Variants in FSD2 observed in about 807,000 individuals in gnomAD.
FSD2 encodes fibronectin type III and SPRY domain-containing protein 2.
Under a neutral mutation model 80.4 loss-of-function variants are expected in FSD2, and 71 were observed. The ratio of observed to expected loss-of-function variants is 0.88; its 90% CI spans 0.73 to 1.08. FSD2 has a LOEUF of 1.08. FSD2 is among the 50% of genes least tolerant of loss of function. FSD2 has a pLI of 0.00. For missense variants in FSD2, 923 were observed against 913.8 expected (o/e 1.01, Z -0.13); for synonymous variants, 361 against 329.5 (o/e 1.10, Z -1.03).
At chr15:82,785,241 T>A (rs1347549381) in intron 3 of FSD2, among the ~76,000 whole-genome samples, 1 of 152,200 alleles carries the variant, frequency 6.6e-6, no homozygotes, top group Non-Finnish European at 1.5e-5. Flanking sequence ...CCTAGAATTC[T>A]AAGCTTTTAC....
At chr15:82,785,300 A>G (rs1217215394) in intron 3 of FSD2, among the ~76,000 whole-genome samples, 1 of 146,924 alleles carries the variant, frequency 6.8e-6, no homozygotes, top group African/African-American at 2.5e-5. Context: ...AAGGCAATAC[A>G]TTATTTATTT....
At chr15:82,760,734 T>TGCAA in intron 12 of FSD2, among the ~76,000 whole-genome samples, 1 of 69,806 alleles carries the variant, frequency 1.4e-5, no homozygotes, top group Non-Finnish European at 2.8e-5. Context: ...CGTGTGTGCG[T>TGCAA]GCACGCACAC....
At position 82,765,033 on chromosome 15, in the gene FSD2, T is replaced by C. The variant is rs888491498; in HGVS notation, c.1820+133A>G. 10 of 1,126,222 alleles carry C rather than the reference T, an allele frequency of 8.9e-6. No homozygotes were observed. In the African/African-American group the frequency reaches 1.3e-4, roughly 14 times the overall value. The allele number at this position is 1,126,222 out of a possible 1,614,324, so 69.8% of individuals were successfully genotyped here. ...CCTCTGGGTCCCCTCCCCATTAGGC[T>C]CCTCCCTCCTCACTCATTTGTAGGA... On this transcript the variant is annotated intron_variant, in intron 11 of 12. Coordinates refer to ENST00000334574, the MANE Select transcript of FSD2 (RefSeq NM_001007122.4).
rs542745647 is a variant in FSD2 at position 82,765,085 on chromosome 15, T to C, written c.1820+81A>G. ...TCCTTTTCCCTCGAGGCTGCCTCCGTGCCATATTCGGATTTGACCTGAATA... is the reference window on the plus strand; with the variant it reads ...TCCTTTTCCCTCGAGGCTGCCTCCGCGCCATATTCGGATTTGACCTGAATA... On this transcript the variant is annotated intron_variant, in intron 11 of 12. Coordinates refer to ENST00000334574, the MANE Select transcript of FSD2 (RefSeq NM_001007122.4). 2.2e-4 allele frequency: 323 copies of C among 1,452,786 alleles called. 6 individuals carry two copies. The South Asian group carries it at 4.5e-3, about 20-fold the overall frequency. 90.0% of individuals were successfully genotyped at this position (1,452,786 alleles called of 1,614,324 possible). A position where few individuals can be genotyped will look rare whatever the true frequency, so the allele number is the denominator to read the frequency against.
intron 6 of FSD2, among the ~76,000 whole-genome samples, chr15:82,776,864 G>A (rs1279978464): frequency 1.3e-5 from 2 of 152,158 alleles, no homozygotes; most frequent in African/African-American, 4.8e-5. Flanking sequence ...AGACAGTATG[G>A]TACAGGCATA....
At chr15:82,760,889 G>A (rs1386326245) in intron 12 of FSD2, among the ~76,000 whole-genome samples, 2 of 151,926 alleles carry the variant, frequency 1.3e-5, no homozygotes, top group Non-Finnish European at 1.5e-5. Context: ...CCCTCTACAC[G>A]TGGACTTCTA....
intron 6 of FSD2, among the ~76,000 whole-genome samples, chr15:82,778,070 A>T: frequency 6.9e-6 from 1 of 145,730 alleles, no homozygotes; most frequent in East Asian, 2.0e-4. Flanking sequence ...CAGGAATTTG[A>T]GGCCAGCCTG....
chr15:82,778,165 A>G (rs2151507487), intron 6 of FSD2, among the ~76,000 whole-genome samples: 1 of 96,040 alleles, frequency 1.0e-5, no homozygotes, highest in East Asian at 3.1e-4. Context: ...TATAATAACT[A>G]TTACATGATC....
chr15:82,787,117 C>A lies in FSD2; in HGVS notation c.274G>T (p.Asp92Tyr). Residue 92 changes from aspartate to tyrosine, a missense_variant, in exon 2 of 13, where the codon GAT becomes TAT. Transcript: ENST00000334574. ...DDHELGDEFVDENIPRTGVSE... is the reference protein window; with the variant it reads ...DDHELGDEFVYENIPRTGVSE... ...ACCCCTGTTCTGGGTATGTTTTCATCAACAAACTCATCCCCTAATTCATGA... is the reference window on the plus strand; with the variant it reads ...ACCCCTGTTCTGGGTATGTTTTCATAAACAAACTCATCCCCTAATTCATGA... 1 of 1,613,984 alleles carries A rather than the reference C, an allele frequency of 6.2e-7. No homozygotes were observed. The highest frequency in any genetic ancestry group is 8.5e-7 in the Non-Finnish European group (1 of 1,179,898).
rs186065248 is a variant in FSD2 at position 82,769,288 on chromosome 15, G to A, written c.1403-258C>T. Among the ~76,000 whole-genome samples, 22 of 152,282 alleles carry A rather than the reference G, an allele frequency of 1.4e-4. No homozygotes were observed. The East Asian group carries it at 3.3e-3, about 23-fold the overall frequency. ...ATCAGAAAATGTCACTGTCACTGTC[G>A]GCTGAGTGCAGTGGCTCACGCCTGT... On this transcript the variant is annotated intron_variant, in intron 8 of 12. Coordinates refer to ENST00000334574, the MANE Select transcript of FSD2 (RefSeq NM_001007122.4).
intron 1 of FSD2, among the ~76,000 whole-genome samples, chr15:82,796,574 A>T (rs1345817030): frequency 6.6e-6 from 1 of 152,206 alleles, no homozygotes; most frequent in African/African-American, 2.4e-5. Flanking sequence ...GATTCAAGAG[A>T]ATAAATATTT....
chr15:82,772,165 A>T lies in FSD2; in HGVS notation c.1175T>A (p.Val392Glu), dbSNP rs2049595810. 1 of 1,612,614 alleles carries T rather than the reference A, an allele frequency of 6.2e-7. No individual in the cohort carries two copies. Among genetic ancestry groups the T allele is most frequent in the East Asian group, 2.2e-5 (1 of 44,858 alleles). ...GTCGTCGGAGTATAAGCTCCAGCAC[A>T]CTCGGACTGAGGAACCTGTGGCTGA... ...PNSATGSSVR[V>E]CWSLYSDDTV... The change falls in exon 7 of 13, where the codon GTG becomes GAG. Residue 392 changes from valine to glutamate, a missense_variant. Coordinates refer to ENST00000334574, the MANE Select transcript of FSD2 (RefSeq NM_001007122.4).
chr15:82,782,220 C>A (rs1357158110), intron 4 of FSD2, among the ~76,000 whole-genome samples: 1 of 150,888 alleles, frequency 6.6e-6, no homozygotes, highest in Non-Finnish European at 1.5e-5. Context: ...ACAGTGAAAC[C>A]CCGTCTCTAC....
intron 11 of FSD2, among the ~76,000 whole-genome samples, chr15:82,764,941 C>G (rs2049378871): frequency 5.9e-5 from 9 of 152,030 alleles, no homozygotes; most frequent in Admixed American, 5.9e-4. Context: ...GGACCGCGCC[C>G]TCTCCTGACC....
chr15:82,780,310 A>T, intron 4 of FSD2, 43 bp from the exon 5 acceptor site: 3 of 1,378,724 alleles, frequency 2.2e-6, no homozygotes, highest in Non-Finnish European at 2.9e-6. Context: ...TTTTGGAAAT[A>T]AATTTCTTTT....
In FSD2 at chr15:82,766,558, A is replaced by T. The variant is rs182599443; in HGVS notation, c.1554-527T>A. Among the ~76,000 whole-genome samples, 726 of 152,192 alleles carry T rather than the reference A, an allele frequency of 4.8e-3. 14 individuals are homozygous for T. Among genetic ancestry groups the T allele is most frequent in the Admixed American group, 0.038 (586 of 15,266 alleles). On this transcript the variant is annotated intron_variant, in intron 9 of 12. Coordinates refer to ENST00000334574, the MANE Select transcript of FSD2 (RefSeq NM_001007122.4). ...GGAGTTCGAGATCAGCCTAGCCAAC[A>T]TGGTGAAACCCCGTCTCTACTAAAA...
Position 82,769,805 on chromosome 15 carries a change from T to C in FSD2, c.1347A>G (p.Thr449=). The C allele has an allele frequency of 6.2e-7, 1 of 1,613,938 alleles. No homozygotes were observed. The highest frequency in any genetic ancestry group is 8.5e-7 in the Non-Finnish European group (1 of 1,179,888). The change falls in exon 8 of 13, where the codon ACA becomes ACG. Residue 449 remains threonine, a synonymous_variant. Coordinates refer to ENST00000334574, the MANE Select transcript of FSD2 (RefSeq NM_001007122.4). The part of the protein sequence containing the change: ...VPNTQYEFWV[T]AHNRAGPSPS... Reference sequence around the variant, plus strand: ...GGCTGGGGCCAGCCCTGTTGTGAGCTGTGACCCAAAATTCATACTGGGTAT... The same window carrying C: ...GGCTGGGGCCAGCCCTGTTGTGAGCCGTGACCCAAAATTCATACTGGGTAT...
chr15:82,788,125 A>G (rs1171186843), intron 1 of FSD2, among the ~76,000 whole-genome samples: 1 of 152,156 alleles, frequency 6.6e-6, no homozygotes, highest in Non-Finnish European at 1.5e-5. Context: ...ATGAATGTGC[A>G]CAGACAATTC....
At chr15:82,793,240 A>C (rs536301269) in intron 1 of FSD2, among the ~76,000 whole-genome samples, 1 of 151,808 alleles carries the variant, frequency 6.6e-6, no homozygotes, top group South Asian at 2.1e-4. Flanking sequence ...ATTAGGGATT[A>C]CAGGTACCTG....
Sources: allele counts gnomAD v4.1 joint callset (sites outside exome capture counted in the v4.1 genomes callset), GRCh38; gene constraint gnomAD v4.1.1; transcripts MANE v1.5; gene names NCBI Gene and HGNC (gene_info 2026-07-23, HGNC 2026-07-21).